Variants in RANBP17 observed in about 807,000 individuals in gnomAD.
RANBP17 encodes RAN binding protein 17, also known as ran-binding protein 17.
RANBP17 carries 158 observed loss-of-function variants against 141.2 expected under a neutral mutation model. That is an observed-to-expected ratio of 1.12 (90% CI 0.98 to 1.28). RANBP17 has a LOEUF of 1.28. RANBP17 is among the 50% of genes most tolerant of loss of function. The pLI is 0.00. For missense variants in RANBP17, 1,438 were observed against 1,290.7 expected, an observed-to-expected ratio of 1.11 and a Z score of -1.75; for synonymous variants, 430 against 450.0, an observed-to-expected ratio of 0.96 and a Z score of 0.56.
At chr5:171,276,517 T>G (rs1046894615) in intron 25 of RANBP17, among the ~76,000 whole-genome samples, 1 of 152,222 alleles carries the variant, frequency 6.6e-6, no homozygotes, top group Admixed American at 6.5e-5. Flanking sequence ...GAACTTAGTG[T>G]GAAGTCATTG....
At chr5:170,882,868 C>G (rs1439112258) in intron 3 of RANBP17, among the ~76,000 whole-genome samples, 1 of 152,070 alleles carries the variant, frequency 6.6e-6, no homozygotes, top group Non-Finnish European at 1.5e-5. Context: ...TTCATATGGA[C>G]AAAATTGTAA....
chr5:171,298,984 A>T lies in RANBP17; in HGVS notation c.*126A>T. 1 of 621,454 alleles carries T rather than the reference A, an allele frequency of 1.6e-6. No homozygotes were observed. Among genetic ancestry groups the T allele is most frequent in the South Asian group, 2.2e-5 (1 of 46,152 alleles). The allele number at this position is 621,454 out of a possible 1,614,324, so 38.5% of individuals were successfully genotyped here. A position where few individuals can be genotyped will look rare whatever the true frequency, so the allele number is the denominator to read the frequency against. The stretch of plus-strand genomic sequence containing the variant: ...TTCAAAACATACAAGCAACAGCAAA[A>T]GCCCTAACTTCTTATACGTCTAGCC... On this transcript the variant is annotated 3_prime_UTR_variant, in exon 28 of 28. Transcript: ENST00000523189.
intron 27 of RANBP17, among the ~76,000 whole-genome samples, chr5:171,297,765 A>G (rs1768905884): frequency 6.7e-6 from 1 of 150,270 alleles, no homozygotes; most frequent in South Asian, 2.1e-4. Flanking sequence ...GGCAGTGAAG[A>G]CTGACTTTTT....
At chr5:171,212,653 A>T (rs1285973851) in intron 20 of RANBP17, among the ~76,000 whole-genome samples, 3 of 152,236 alleles carry the variant, frequency 2.0e-5, no homozygotes, top group African/African-American at 7.2e-5. Flanking sequence ...TACCCGGACC[A>T]CACTGAAAAG....
chr5:170,968,599 T>G, intron 14 of RANBP17: 1 of 593,896 alleles, frequency 1.7e-6, no homozygotes, highest in South Asian at 1.6e-5. Context: ...TGAATATGTT[T>G]TACATGGATG....
chr5:171,217,196 A>G (rs1413423265), intron 21 of RANBP17, among the ~76,000 whole-genome samples: 1 of 152,110 alleles, frequency 6.6e-6, no homozygotes, highest in African/African-American at 2.4e-5. Context: ...GGTTCTGTTT[A>G]TGTGATGGAT....
intron 21 of RANBP17, among the ~76,000 whole-genome samples, chr5:171,214,937 T>C (rs1221722197): frequency 6.6e-6 from 1 of 152,122 alleles, no homozygotes; most frequent in Admixed American, 6.5e-5. Flanking sequence ...AACATGCAGG[T>C]TTGTTACATA....
chr5:171,139,639 A>G (rs1271138421), intron 14 of RANBP17, among the ~76,000 whole-genome samples: 2 of 151,974 alleles, frequency 1.3e-5, no homozygotes, highest in African/African-American at 2.4e-5. Flanking sequence ...TATGTCACCA[A>G]TCTATCTGTT....
At position 171,053,844 on chromosome 5, in the gene RANBP17, C is replaced by T. The variant is rs1266124941; in HGVS notation, c.1710+85467C>T. Among the ~76,000 whole-genome samples the T allele has an allele frequency of 2.3e-5, 3 of 127,834 alleles. 1 individual carries two copies. The highest frequency in any genetic ancestry group is 2.3e-4 in the East Asian group (1 of 4,340). 83.9% of individuals were successfully genotyped at this position (127,834 alleles called of 152,430 possible). On this transcript the variant is annotated intron_variant, in intron 14 of 27. Coordinates refer to ENST00000523189, the MANE Select transcript of RANBP17 (RefSeq NM_022897.5). The stretch of plus-strand genomic sequence containing the variant: ...CTTTCACCATTGAATGTGATGTTAG[C>T]TTTTTTTCCTTCAAATCCTGTCAGT...
At chr5:170,956,781 G>C (rs1157442782) in intron 13 of RANBP17, among the ~76,000 whole-genome samples, 2 of 146,648 alleles carry the variant, frequency 1.4e-5, no homozygotes, top group African/African-American at 5.0e-5. Flanking sequence ...ATCAAGCAGG[G>C]AAATAAACGA....
chr5:170,873,847 G>A (rs910112211), intron 1 of RANBP17, among the ~76,000 whole-genome samples: 2 of 152,006 alleles, frequency 1.3e-5, no homozygotes, highest in Admixed American at 6.6e-5. Flanking sequence ...ATCTCCTTCA[G>A]TTCTGTTCTG....
At chr5:171,234,342 T>C (rs1764400790) in intron 22 of RANBP17, among the ~76,000 whole-genome samples, 1 of 152,108 alleles carries the variant, frequency 6.6e-6, no homozygotes, top group Non-Finnish European at 1.5e-5. Context: ...AAGAACAGTA[T>C]CATATAAGGC....
chr5:171,225,902 C>T (rs1300148089), intron 22 of RANBP17, among the ~76,000 whole-genome samples: 2 of 152,204 alleles, frequency 1.3e-5, no homozygotes, highest in African/African-American at 4.8e-5. Flanking sequence ...TGCTTCAGCT[C>T]TCAGCTCCTC....
intron 14 of RANBP17, among the ~76,000 whole-genome samples, chr5:171,006,615 G>A (rs976441982): frequency 6.6e-6 from 1 of 152,048 alleles, no homozygotes; most frequent in African/African-American, 2.4e-5. Flanking sequence ...GGAAGCGGGA[G>A]GGATAGTATT....
chr5:171,106,580 T>A (rs1253966713), intron 14 of RANBP17, among the ~76,000 whole-genome samples: 1 of 152,208 alleles, frequency 6.6e-6, no homozygotes, highest in Non-Finnish European at 1.5e-5. Flanking sequence ...TATTTTATTC[T>A]GTTGACTTGG....
At chr5:171,130,630 T>A (rs1042289220) in intron 14 of RANBP17, among the ~76,000 whole-genome samples, 1 of 151,952 alleles carries the variant, frequency 6.6e-6, no homozygotes, top group African/African-American at 2.4e-5. Context: ...GAGACGGGGT[T>A]TCTGCATGTT....
At chr5:171,269,075 G>A (rs191327367) in intron 25 of RANBP17, among the ~76,000 whole-genome samples, 2 of 152,264 alleles carry the variant, frequency 1.3e-5, no homozygotes, top group East Asian at 3.9e-4. Context: ...CTTTCAGATA[G>A]CATTTTAAAT....
At chr5:171,142,154 GT>G (rs1336676392) in intron 14 of RANBP17, among the ~76,000 whole-genome samples, 1 of 152,064 alleles carries the variant, frequency 6.6e-6, no homozygotes, top group Non-Finnish European at 1.5e-5. Flanking sequence ...TTTACTTTTG[GT>G]TTTTAATGAT....
At chr5:171,103,101 T>C (rs1046236793) in intron 14 of RANBP17, among the ~76,000 whole-genome samples, 1 of 152,164 alleles carries the variant, frequency 6.6e-6, no homozygotes. Context: ...GAGGAGACAG[T>C]CTGTCCCTTA....
Sources: gnomAD v4.1 joint callset for allele counts (sites outside exome capture counted in the v4.1 genomes callset) on GRCh38, gnomAD v4.1.1 for gene constraint, MANE v1.5 for transcripts, NCBI Gene and HGNC (gene_info 2026-07-23, HGNC 2026-07-21) for gene names.